RYK: variants seen among roughly 807,000 people sequenced by gnomAD.
The protein encoded by RYK is inactive tyrosine-protein kinase RYK.
A neutral mutation model predicts 70.2 loss-of-function variants in RYK; 21 were observed. That is an observed-to-expected ratio of 0.30 (90% confidence interval 0.21 to 0.43). The LOEUF (loss-of-function observed/expected upper bound fraction) is 0.43, where lower values mean the gene tolerates loss of function less well. Among genes scored for constraint, RYK ranks in the 20% least tolerant of loss-of-function variants. The pLI, the probability that RYK is intolerant of heterozygous loss-of-function variation, is 1.00. For synonymous variants in RYK, 267 were observed against 278.0 expected (o/e 0.96, Z 0.39); for missense variants, 604 against 753.3 (o/e 0.80, Z 2.32).
intron 10 of RYK, chr3:134,179,197 T>A (rs1008130951): frequency 1.2e-4 from 18 of 152,320 alleles, no homozygotes; most frequent in African/African-American, 4.3e-4. Flanking sequence ...TGCATGGAAA[T>A]ATGCAAAGAG....
intron 2 of RYK, among the ~76,000 whole-genome samples, chr3:134,216,157 T>C (rs2014546585): frequency 6.6e-6 from 1 of 152,214 alleles, no homozygotes; most frequent in Admixed American, 6.5e-5. Context: ...TTCCCTTACT[T>C]GGAAACAAAT....
At chr3:134,208,871 G>A (rs1032026302) in intron 4 of RYK, among the ~76,000 whole-genome samples, 1 of 152,092 alleles carries the variant, frequency 6.6e-6, no homozygotes, top group Admixed American at 6.6e-5. Context: ...TACCTATCAA[G>A]CACTTAGAAC....
chr3:134,172,314 T>C (rs2012940094), intron 13 of RYK, among the ~76,000 whole-genome samples: 1 of 152,240 alleles, frequency 6.6e-6, no homozygotes, highest in Non-Finnish European at 1.5e-5. Flanking sequence ...AAGGAGTAAA[T>C]TTGAGATCAC....
rs752044201 is a variant in RYK at position 134,159,256 on chromosome 3, T to C, written c.1693A>G (p.Ile565Val). Residue 565 changes from isoleucine (I) to valine (V), a missense_variant, in exon 14 of 15, where the codon ATC becomes GTC. Ile to Val is a conservative substitution (Grantham distance 29, BLOSUM62 3). Around this residue, in one of 2 missense-constraint regions of RYK, gnomAD observed 138 missense variants for 217.4 expected, o/e 0.63. Coordinates refer to ENST00000623711, the MANE Select transcript of RYK (RefSeq NM_002958.4). ...LKDGYRIAQP[I>V]NCPDELFAVM... ...ACTCACAATTCATCAGGACAGTTGATTGGCTGGGCTATTCGGTAACCATCT... is the reference window on the plus strand; with the variant it reads ...ACTCACAATTCATCAGGACAGTTGACTGGCTGGGCTATTCGGTAACCATCT... The C allele has an allele frequency of 2.4e-5, 39 of 1,613,792 alleles. No individual in the cohort carries two copies. The highest frequency in any genetic ancestry group is 2.8e-5 in the Non-Finnish European group (33 of 1,179,838).
chr3:134,173,418 C>G (rs539002086), intron 13 of RYK, among the ~76,000 whole-genome samples: 27 of 152,066 alleles, frequency 1.8e-4, no homozygotes, highest in African/African-American at 6.3e-4. Flanking sequence ...GAATAAATAC[C>G]CAAGACTGAG....
At chr3:134,182,401 A>G (rs1312621374) in intron 10 of RYK, among the ~76,000 whole-genome samples, 3 of 152,194 alleles carry the variant, frequency 2.0e-5, no homozygotes, top group African/African-American at 4.8e-5. Flanking sequence ...TTATGATTAT[A>G]AAGAAAACTA....
At position 134,250,710 on chromosome 3, in the gene RYK, A is replaced by T. The variant is rs969524005; in HGVS notation, c.-56T>A. ...TCGGCCGCCCGCCGCACCGCCGCCC[A>T]CCCCCGGCCCCGAGCCGCTCACAGC... On this transcript the variant is annotated 5_prime_UTR_variant, in exon 1 of 15. Transcript: ENST00000623711. 9 of 865,104 alleles carry T rather than the reference A, an allele frequency of 1.0e-5. No individual in the cohort carries two copies. Among genetic ancestry groups the T allele is most frequent in the Non-Finnish European group, 1.1e-5 (8 of 726,482 alleles). 53.6% of individuals were successfully genotyped at this position (865,104 alleles called of 1,614,324 possible). A position where few individuals can be genotyped will look rare whatever the true frequency, so the allele number is the denominator to read the frequency against.
At position 134,216,792 on chromosome 3, in the gene RYK, C is replaced by CAA. The variant is rs61441674; in HGVS notation, c.355-5187_355-5186dup. Among the ~76,000 whole-genome samples, 223 of 37,398 alleles carry CAA rather than the reference C, an allele frequency of 6.0e-3. 45 individuals are homozygous for CAA. The highest frequency in any genetic ancestry group is 0.034 in the South Asian group (21 of 620). 24.5% of individuals were successfully genotyped at this position (37,398 alleles called of 152,430 possible). A position where few individuals can be genotyped will look rare whatever the true frequency, so the allele number is the denominator to read the frequency against. On this transcript the variant is annotated intron_variant, in intron 2 of 14. Coordinates refer to ENST00000623711, the MANE Select transcript of RYK (RefSeq NM_002958.4). ...TGGGCGACAGAGTGAGACTCTGTCT[C>CAA]AAAAAAAAAAAAAAAAAAAAAAAAA...
intron 1 of RYK, 52 bp downstream of exon 1, chr3:134,250,371 G>C: frequency 8.3e-7 from 1 of 1,202,234 alleles, no homozygotes; most frequent in Non-Finnish European, 1.1e-6. Context: ...GCGGCCGGAA[G>C]CTGCCCCAGC....
At chr3:134,228,278 A>C (rs1015293267) in intron 1 of RYK, among the ~76,000 whole-genome samples, 3 of 152,060 alleles carry the variant, frequency 2.0e-5, no homozygotes, top group Non-Finnish European at 4.4e-5. Flanking sequence ...AAGATAGAAC[A>C]AGACTCTGTG....
At chr3:134,169,210 AAC>A (rs1177739442) in intron 13 of RYK, among the ~76,000 whole-genome samples, 1 of 152,180 alleles carries the variant, frequency 6.6e-6, no homozygotes, top group African/African-American at 2.4e-5. Flanking sequence ...ATGCTTCTTA[AAC>A]ACAATGTAAT....
chr3:134,235,472 T>C (rs949127471), intron 1 of RYK, among the ~76,000 whole-genome samples: 1 of 152,044 alleles, frequency 6.6e-6, no homozygotes, highest in Non-Finnish European at 1.5e-5. Flanking sequence ...ATTAATGAAA[T>C]AAAAGAATTT....
intron 1 of RYK, among the ~76,000 whole-genome samples, chr3:134,240,902 T>C (rs6796404): frequency 0.47 from 71,699 of 152,106 alleles, 17,636 homozygotes; most frequent in Middle Eastern, 0.63. Context: ...AATGACAATA[T>C]CTCATTCATT....
chr3:134,171,084 A>T (rs1003977789), intron 13 of RYK: 1 of 152,222 alleles, frequency 6.6e-6, no homozygotes, highest in Non-Finnish European at 1.5e-5. Context: ...GAGAATGAAT[A>T]AAAAACTCTA....
intron 1 of RYK, among the ~76,000 whole-genome samples, chr3:134,228,070 C>T (rs551706472): frequency 1.3e-5 from 2 of 152,326 alleles, no homozygotes; most frequent in South Asian, 4.1e-4. Context: ...CAGAGGATCA[C>T]TTAGGCCCAG....
At chr3:134,175,885 GA>G (rs1279284620) in intron 12 of RYK, 44 bp downstream of exon 12, 2 of 1,553,480 alleles carry the variant, frequency 1.3e-6, no homozygotes, top group Admixed American at 3.5e-5. Flanking sequence ...CCAAATCCAG[GA>G]AGCACTCTAC....
At chr3:134,218,236 A>T (rs898419042) in intron 2 of RYK, among the ~76,000 whole-genome samples, 3 of 152,186 alleles carry the variant, frequency 2.0e-5, no homozygotes, top group African/African-American at 7.2e-5. Flanking sequence ...CGCACATCCC[A>T]ACTCTGAAAA....
intron 6 of RYK, among the ~76,000 whole-genome samples, chr3:134,201,048 G>A (rs1044741423): frequency 2.6e-5 from 4 of 152,134 alleles, no homozygotes; most frequent in Admixed American, 6.5e-5. Flanking sequence ...CAACTCTCTG[G>A]CTATATCAAG....
chr3:134,160,798 T>C (rs1576498569), intron 13 of RYK, among the ~76,000 whole-genome samples: 1 of 152,116 alleles, frequency 6.6e-6, no homozygotes, highest in African/African-American at 2.4e-5. Flanking sequence ...GAGGTTGCGG[T>C]GAGCCGAGAT....
Sources: allele counts gnomAD v4.1 joint callset (sites outside exome capture counted in the v4.1 genomes callset), GRCh38; gene constraint gnomAD v4.1.1; regional missense constraint gnomAD v4.1.1; transcripts MANE v1.5; gene names NCBI Gene and HGNC (gene_info 2026-07-23, HGNC 2026-07-21).